Variants in CADPS observed in about 807,000 individuals in gnomAD.
The protein encoded by CADPS is calcium dependent secretion activator.
A neutral mutation model predicts 167.3 loss-of-function variants in CADPS; 57 were observed. That is an observed-to-expected ratio of 0.34 (90% CI 0.28 to 0.42). The LOEUF is 0.42. CADPS is among the 20% of genes least tolerant of loss of function. The pLI is 1.00. For synonymous variants in CADPS, 676 were observed against 635.3 expected (o/e 1.06, Z -0.96); for missense variants, 1,414 against 1,738.1 (o/e 0.81, Z 3.32).
At chr3:62,647,220 T>C (rs2068794026) in intron 5 of CADPS, among the ~76,000 whole-genome samples, 5 of 152,122 alleles carry the variant, frequency 3.3e-5, no homozygotes. Context: ...AGAATGTGAG[T>C]GCGCAAAAAA....
chr3:62,860,834 C>T (rs2080654015), intron 1 of CADPS, among the ~76,000 whole-genome samples: 1 of 152,186 alleles, frequency 6.6e-6, no homozygotes, highest in South Asian at 2.1e-4. Context: ...GTAATCTTAC[C>T]ACTAAGATAA....
At chr3:62,493,572 G>T in intron 19 of CADPS, 73 bp downstream of exon 19, 4 of 1,124,160 alleles carry the variant, frequency 3.6e-6, no homozygotes, top group Non-Finnish European at 4.0e-6. Context: ...TTATTAGAGG[G>T]ATATTCTAAC....
chr3:62,523,766 G>C (rs2071336293), intron 13 of CADPS, among the ~76,000 whole-genome samples: 1 of 152,174 alleles, frequency 6.6e-6, no homozygotes, highest in Non-Finnish European at 1.5e-5. Context: ...CTACCAACAA[G>C]GGGTAAAACT....
chr3:62,550,498 A>G (rs2077151159), intron 10 of CADPS, among the ~76,000 whole-genome samples: 1 of 152,110 alleles, frequency 6.6e-6, no homozygotes, highest in Non-Finnish European at 1.5e-5. Flanking sequence ...TTCTCTTTAC[A>G]ACGAAAGGGA....
chr3:62,400,142 G>A (rs1300657546), intron 29 of CADPS, among the ~76,000 whole-genome samples: 1 of 152,178 alleles, frequency 6.6e-6, no homozygotes, highest in Non-Finnish European at 1.5e-5. Context: ...AAGATGGAGC[G>A]CTAATGCCTC....
chr3:62,656,739 T>A (rs959046483), intron 4 of CADPS, among the ~76,000 whole-genome samples: 9 of 152,136 alleles, frequency 5.9e-5, no homozygotes, highest in Non-Finnish European at 1.0e-4. Context: ...GTCTTGGTAT[T>A]AATTTGTCAA....
chr3:62,733,737 G>A (rs552039179), intron 3 of CADPS, among the ~76,000 whole-genome samples: 1 of 151,924 alleles, frequency 6.6e-6, no homozygotes, highest in Admixed American at 6.6e-5. Context: ...GTGGTTTTTG[G>A]TTACGTGGAT....
At chr3:62,681,686 A>C (rs2077177521) in intron 3 of CADPS, among the ~76,000 whole-genome samples, 1 of 152,092 alleles carries the variant, frequency 6.6e-6, no homozygotes. Context: ...TACATGAACA[A>C]AAACCTACAC....
At chr3:62,829,011 G>C (rs2074572329) in intron 1 of CADPS, among the ~76,000 whole-genome samples, 1 of 152,116 alleles carries the variant, frequency 6.6e-6, no homozygotes, top group South Asian at 2.1e-4. Flanking sequence ...CTGTGGACAT[G>C]CTTAGTCTAG....
At chr3:62,652,399 CAA>C (rs57075270) in intron 4 of CADPS, among the ~76,000 whole-genome samples, 50,979 of 120,264 alleles carry the variant, frequency 0.42, 10,192 homozygotes, top group East Asian at 0.63. Context: ...TCTGTGTGGC[CAA>C]AAAAAAAAAA....
In CADPS at chr3:62,438,363, G is replaced by A. The variant is rs1448123946; in HGVS notation, c.3670-152C>T. On this transcript the variant is annotated intron_variant, in intron 27 of 29. Coordinates refer to ENST00000383710, the MANE Select transcript of CADPS (RefSeq NM_003716.4). This position sits in a 1 kb window ranked among gnomAD's most constrained non-coding sequence, Gnocchi z 4.7. Reference sequence around the variant, plus strand: ...GCATGGGATTGCTGTCCACAGCCTGGGCTGGTAGGAATTGATATTAGAACT... The same window carrying A: ...GCATGGGATTGCTGTCCACAGCCTGAGCTGGTAGGAATTGATATTAGAACT... The A allele has an allele frequency of 8.3e-6, 5 of 599,860 alleles. No individual in the cohort carries two copies. The highest frequency in any genetic ancestry group is 7.5e-5 in the African/African-American group (4 of 53,488). The allele number at this position is 599,860 out of a possible 1,614,324, so 37.2% of individuals were successfully genotyped here.
At chr3:62,702,811 G>A (rs1051326320) in intron 3 of CADPS, among the ~76,000 whole-genome samples, 1 of 152,120 alleles carries the variant, frequency 6.6e-6, no homozygotes, top group African/African-American at 2.4e-5. Context: ...AATCAGTTCT[G>A]TATGGGTAGG....
chr3:62,594,320 C>T (rs1159258020), intron 6 of CADPS, among the ~76,000 whole-genome samples: 1 of 151,254 alleles, frequency 6.6e-6, no homozygotes, highest in Non-Finnish European at 1.5e-5. Context: ...CGCCACTATG[C>T]CCGGCTAATT....
chr3:62,589,588 G>T (rs2085457580), intron 7 of CADPS, among the ~76,000 whole-genome samples: 1 of 152,202 alleles, frequency 6.6e-6, no homozygotes, highest in African/African-American at 2.4e-5. Context: ...GCGTCAGCAT[G>T]CTCTTCTGTA....
At chr3:62,850,898 T>A (rs2153099522) in intron 1 of CADPS, among the ~76,000 whole-genome samples, 1 of 152,034 alleles carries the variant, frequency 6.6e-6, no homozygotes, top group Non-Finnish European at 1.5e-5. Context: ...ATTATTAATG[T>A]GTGGGAGTCT....
chr3:62,576,492 T>C (rs951342364), intron 8 of CADPS, among the ~76,000 whole-genome samples: 1 of 151,992 alleles, frequency 6.6e-6, no homozygotes, highest in African/African-American at 2.4e-5. Flanking sequence ...TGCTACTATT[T>C]GTAGTATTAA....
intron 7 of CADPS, among the ~76,000 whole-genome samples, chr3:62,587,180 G>A (rs2084831181): frequency 6.6e-6 from 1 of 152,184 alleles, no homozygotes; most frequent in South Asian, 2.1e-4. Context: ...CCAAATCAGA[G>A]CTTTTGTGCA....
At chr3:62,806,635 G>A (rs2094117211) in intron 1 of CADPS, among the ~76,000 whole-genome samples, 1 of 152,144 alleles carries the variant, frequency 6.6e-6, no homozygotes. Context: ...TGAGGAAACA[G>A]GATTAGAGAA....
chr3:62,677,027 C>T (rs1013440316), intron 3 of CADPS, among the ~76,000 whole-genome samples: 1 of 152,066 alleles, frequency 6.6e-6, no homozygotes, highest in Non-Finnish European at 1.5e-5. Flanking sequence ...AATCTCTAAA[C>T]CAACAGGCAC....
Sources: gnomAD v4.1 joint callset for allele counts (sites outside exome capture counted in the v4.1 genomes callset) on GRCh38, gnomAD v4.1.1 for gene constraint, Gnocchi (gnomAD v3.1) non-coding constraint, MANE v1.5 for transcripts, NCBI Gene and HGNC (gene_info 2026-07-23, HGNC 2026-07-21) for gene names.